HDAC9: variants seen among roughly 807,000 people sequenced by gnomAD.
The protein encoded by HDAC9 is histone deacetylase 9.
In HDAC9, 41 loss-of-function variants were observed where a neutral mutation model predicts 139.4. The observed-to-expected ratio is 0.29, with a 90% CI of 0.23 to 0.38. The LOEUF is 0.38. Among genes scored for constraint, HDAC9 ranks in the 10% least tolerant of loss-of-function variants. HDAC9 has a pLI of 1.00. For missense variants in HDAC9, 1,147 were observed against 1,297.0 expected, an observed-to-expected ratio of 0.88 and a Z score of 1.78; for synonymous variants, 517 against 476.2, an observed-to-expected ratio of 1.09 and a Z score of -1.12.
At chr7:18,152,680 T>C (rs1449491969) in intron 1 of HDAC9, among the ~76,000 whole-genome samples, 2 of 152,162 alleles carry the variant, frequency 1.3e-5, no homozygotes, top group South Asian at 4.1e-4. Flanking sequence ...CTCCCCCAGC[T>C]CTGAACATTC....
At chr7:18,412,122 C>T (rs1585714433) in intron 1 of HDAC9, among the ~76,000 whole-genome samples, 1 of 152,146 alleles carries the variant, frequency 6.6e-6, no homozygotes. Context: ...GCCACTGCGC[C>T]CAGCCTCAAC....
chr7:18,456,646 A>C (rs1793378252), intron 1 of HDAC9, among the ~76,000 whole-genome samples: 1 of 152,160 alleles, frequency 6.6e-6, no homozygotes, highest in Non-Finnish European at 1.5e-5. Flanking sequence ...ATAACATTAC[A>C]CTAAATTTAA....
intron 7 of HDAC9, among the ~76,000 whole-genome samples, chr7:18,630,285 G>T (rs891905430): frequency 6.6e-6 from 1 of 152,064 alleles, no homozygotes; most frequent in African/African-American, 2.4e-5. Flanking sequence ...GTGGTAATCT[G>T]CAACCCCTTT....
At chr7:18,834,528 C>CTTT (rs5882682) in intron 19 of HDAC9, among the ~76,000 whole-genome samples, 21 of 138,122 alleles carry the variant, frequency 1.5e-4, no homozygotes, top group African/African-American at 4.6e-4. Flanking sequence ...TTATATCAGG[C>CTTT]TTTTTTTTTT....
intron 21 of HDAC9, among the ~76,000 whole-genome samples, chr7:18,846,636 C>T (rs1401397377): frequency 6.6e-6 from 1 of 152,100 alleles, no homozygotes; most frequent in Non-Finnish European, 1.5e-5. Context: ...ACCCTATTTC[C>T]AACAGTATTC....
intron 1 of HDAC9, among the ~76,000 whole-genome samples, chr7:18,343,104 TCTC>T (rs1288440042): frequency 6.6e-6 from 1 of 151,756 alleles, no homozygotes. Context: ...CTGTATAAAA[TCTC>T]CTGTCAAGGA....
At chr7:18,967,349 TTC>T (rs1425359158) in intron 24 of HDAC9, among the ~76,000 whole-genome samples, 1 of 152,220 alleles carries the variant, frequency 6.6e-6, no homozygotes, top group Non-Finnish European at 1.5e-5. Context: ...GTAATAATTC[TTC>T]TTTCTTGACT....
intron 1 of HDAC9, among the ~76,000 whole-genome samples, chr7:18,482,444 A>AT (rs112793201): frequency 1.5e-5 from 2 of 134,454 alleles, no homozygotes; most frequent in Middle Eastern, 4.0e-3. Flanking sequence ...CGTCTCAGGG[A>AT]TTTTTTTTAA....
At chr7:18,238,095 G>A (rs1793946328) in intron 2 of HDAC9, among the ~76,000 whole-genome samples, 1 of 152,166 alleles carries the variant, frequency 6.6e-6, no homozygotes, top group African/African-American at 2.4e-5. Flanking sequence ...ACATGCTAAT[G>A]AAGATCTTCT....
chr7:18,451,350 A>T (rs571718747), intron 1 of HDAC9, among the ~76,000 whole-genome samples: 2 of 145,592 alleles, frequency 1.4e-5, no homozygotes, highest in South Asian at 4.4e-4. Context: ...TGAATGGACC[A>T]AGACACATGT....
chr7:18,422,445 T>C (rs972005398), intron 1 of HDAC9, among the ~76,000 whole-genome samples: 4 of 152,142 alleles, frequency 2.6e-5, no homozygotes, highest in African/African-American at 7.2e-5. Context: ...TACAAATCGA[T>C]CATAAACAAA....
intron 2 of HDAC9, among the ~76,000 whole-genome samples, chr7:18,227,025 G>A (rs1793100770): frequency 6.6e-6 from 1 of 152,110 alleles, no homozygotes; most frequent in African/African-American, 2.4e-5. Flanking sequence ...TTGTGGGAGG[G>A]GACGTGTAGA....
At chr7:18,214,415 A>G (rs528235953) in intron 2 of HDAC9, among the ~76,000 whole-genome samples, 1 of 152,216 alleles carries the variant, frequency 6.6e-6, no homozygotes, top group African/African-American at 2.4e-5. Flanking sequence ...AATTTACAGT[A>G]TTGCTTCTTA....
chr7:18,928,343 A>G (rs1804418881), intron 22 of HDAC9, among the ~76,000 whole-genome samples: 1 of 152,236 alleles, frequency 6.6e-6, no homozygotes, highest in Non-Finnish European at 1.5e-5. Context: ...GTTCTAAAAG[A>G]AAAAAGTTTA....
chr7:18,958,657 T>C (rs1219903834), intron 24 of HDAC9, among the ~76,000 whole-genome samples: 2 of 152,202 alleles, frequency 1.3e-5, no homozygotes, highest in Non-Finnish European at 2.9e-5. Flanking sequence ...TGGCATGTAT[T>C]AGGTGCTCTG....
chr7:18,960,163 G>T (rs1377819984), intron 24 of HDAC9, among the ~76,000 whole-genome samples: 3 of 152,116 alleles, frequency 2.0e-5, no homozygotes, highest in African/African-American at 7.2e-5. Flanking sequence ...AAGTAACTAT[G>T]TAATTGACTA....
chr7:18,350,394 A>G (rs934683671), intron 1 of HDAC9, among the ~76,000 whole-genome samples: 11 of 152,272 alleles, frequency 7.2e-5, no homozygotes, highest in African/African-American at 2.6e-4. Flanking sequence ...GTCAGTGACA[A>G]TACTCATCTA....
intron 1 of HDAC9, among the ~76,000 whole-genome samples, chr7:18,318,803 A>AG (rs1799831354): frequency 6.6e-6 from 1 of 152,168 alleles, no homozygotes; most frequent in East Asian, 1.9e-4. Context: ...TTATGTGATA[A>AG]GGGGGGATAA....
At chr7:18,112,721 C>T (rs914787936) in intron 1 of HDAC9, among the ~76,000 whole-genome samples, 1 of 152,018 alleles carries the variant, frequency 6.6e-6, no homozygotes, top group Non-Finnish European at 1.5e-5. Flanking sequence ...TTATAATGAA[C>T]ATATATATGT....
Sources: allele counts gnomAD v4.1 joint callset (sites outside exome capture counted in the v4.1 genomes callset), GRCh38; gene constraint gnomAD v4.1.1; transcripts MANE v1.5; gene names NCBI Gene and HGNC (gene_info 2026-07-23, HGNC 2026-07-21).